The following KIRREL3 variants were observed in gnomAD, a reference collection of about 807,000 sequenced individuals.
KIRREL3 encodes kirre like nephrin family adhesion molecule 3.
KIRREL3 carries 36 observed loss-of-function variants against 89.7 expected under a neutral mutation model. The observed-to-expected ratio is 0.40, with a 90% CI of 0.31 to 0.53. KIRREL3 has a LOEUF of 0.53. Among genes scored for constraint, KIRREL3 ranks in the 20% least tolerant of loss-of-function variants. The pLI is 0.49. For missense variants in KIRREL3, 864 were observed against 1,056.6 expected, an observed-to-expected ratio of 0.82 and a Z score of 2.53; for synonymous variants, 445 against 441.4, an observed-to-expected ratio of 1.01 and a Z score of -0.10.
chr11:126,935,804 CA>C (rs1267233966), intron 1 of KIRREL3: 6 of 152,272 alleles, frequency 3.9e-5, no homozygotes, highest in Non-Finnish European at 8.8e-5. Context: ...GTGGTAGATG[CA>C]AGTCATTATA....
In KIRREL3 at chr11:126,904,141, T is replaced by A. The variant is rs553101003; in HGVS notation, c.55+96314A>T. 6.6e-6 allele frequency among the ~76,000 whole-genome samples: 1 copy of A among 152,294 alleles called. No individual in the cohort carries two copies. Among genetic ancestry groups the A allele is most frequent in the East Asian group, 1.9e-4 (1 of 5,180 alleles). Reference sequence around the variant, plus strand: ...TGAAGATGGCATAGAAAAAACTGCCTCACTCTAAGAGAACCATACCCTTTG... The same window carrying A: ...TGAAGATGGCATAGAAAAAACTGCCACACTCTAAGAGAACCATACCCTTTG... On this transcript the variant is annotated intron_variant, in intron 1 of 16. Transcript: ENST00000525144. This position sits in a 1 kb window ranked among gnomAD's most constrained non-coding sequence, Gnocchi z 4.4.
At chr11:126,759,004 C>A (rs545297897) in intron 1 of KIRREL3, among the ~76,000 whole-genome samples, 1 of 152,294 alleles carries the variant, frequency 6.6e-6, no homozygotes, top group African/African-American at 2.4e-5. Flanking sequence ...TGGTTGCTGT[C>A]TTGTGTAAGC....
In KIRREL3 at chr11:126,802,477, C is replaced by T. The variant is rs1475159005; in HGVS notation, c.55+197978G>A. Among the ~76,000 whole-genome samples, 5 of 152,188 alleles carry T rather than the reference C, an allele frequency of 3.3e-5. No homozygotes were observed. The highest frequency in any genetic ancestry group is 1.3e-4 in the Admixed American group (2 of 15,284). ...ATAGTCTGTGTGGCGTCGTTCTTCT[C>T]ATGTCTGCGTGGATTTTCTCTGTGT... On this transcript the variant is annotated intron_variant, in intron 1 of 16. Coordinates refer to ENST00000525144, the MANE Select transcript of KIRREL3 (RefSeq NM_032531.4). This position sits in a 1 kb window ranked among gnomAD's most constrained non-coding sequence, Gnocchi z 5.2.
At chr11:126,809,873 C>G (rs918960515) in intron 1 of KIRREL3, among the ~76,000 whole-genome samples, 1 of 152,218 alleles carries the variant, frequency 6.6e-6, no homozygotes, top group African/African-American at 2.4e-5. Flanking sequence ...TCTCCAGAAT[C>G]TTTTCTCACA....
chr11:126,487,550 A>G (rs1256109822), intron 4 of KIRREL3, among the ~76,000 whole-genome samples: 1 of 152,244 alleles, frequency 6.6e-6, no homozygotes, highest in East Asian at 1.9e-4. Context: ...CCAGAATCCT[A>G]AGAGGAAAAA....
At chr11:126,461,682 T>C (rs761697377) in intron 6 of KIRREL3, among the ~76,000 whole-genome samples, 7 of 152,166 alleles carry the variant, frequency 4.6e-5, no homozygotes, top group Non-Finnish European at 7.3e-5. Context: ...GTCAGGATTC[T>C]AGACACTGGC....
chr11:126,536,642 C>CTTTTT (rs145142970), intron 2 of KIRREL3, among the ~76,000 whole-genome samples: 11 of 77,166 alleles, frequency 1.4e-4, no homozygotes, highest in Non-Finnish European at 1.8e-4. Flanking sequence ...CTGGGCAATG[C>CTTTTT]TTTTTTTTTT....
In KIRREL3 at chr11:126,714,548, C is replaced by T. The variant is rs773526659; in HGVS notation, c.56-151636G>A. Among the ~76,000 whole-genome samples, 29 of 152,196 alleles carry T rather than the reference C, an allele frequency of 1.9e-4. No homozygotes were observed. In the East Asian group the frequency reaches 1.9e-3, roughly 10 times the overall value. On this transcript the variant is annotated intron_variant, in intron 1 of 16. Transcript: ENST00000525144. ...CAAATGGCATGTGCTGGAGAGTTTCCGCCCTGGGAGGCAGCCCTCTACACA... is the reference window on the plus strand; with the variant it reads ...CAAATGGCATGTGCTGGAGAGTTTCTGCCCTGGGAGGCAGCCCTCTACACA...
At chr11:126,939,998 C>G (rs959648532) in intron 1 of KIRREL3, among the ~76,000 whole-genome samples, 1 of 152,170 alleles carries the variant, frequency 6.6e-6, no homozygotes, top group Non-Finnish European at 1.5e-5. Context: ...ACCACCTCCT[C>G]TATCCTACTC....
rs536962960 is a variant in KIRREL3, at chr11:126,677,315, C to T, written c.56-114403G>A. Among the ~76,000 whole-genome samples, 39 of 152,238 alleles carry T rather than the reference C, an allele frequency of 2.6e-4. No homozygotes were observed. In the South Asian group the frequency reaches 8.1e-3, roughly 32 times the overall value. On this transcript the variant is annotated intron_variant, in intron 1 of 16. Coordinates refer to ENST00000525144, the MANE Select transcript of KIRREL3 (RefSeq NM_032531.4). This position sits in a 1 kb window ranked among gnomAD's most constrained non-coding sequence, Gnocchi z 5.1. The stretch of plus-strand genomic sequence containing the variant: ...ATTAATGAGGAGAGGCTATAGATTC[C>T]CCTATTCTGGACATTTCGTATAAGT...
chr11:126,668,705 C>A lies in KIRREL3; in HGVS notation c.56-105793G>T, dbSNP rs1322515505. 2.7e-5 allele frequency among the ~76,000 whole-genome samples: 2 copies of A among 74,350 alleles called. No homozygotes were observed. Among genetic ancestry groups the A allele is most frequent in the African/African-American group, 3.8e-5 (1 of 26,382 alleles). 48.8% of individuals were successfully genotyped at this position (74,350 alleles called of 152,430 possible). A position where few individuals can be genotyped will look rare whatever the true frequency, so the allele number is the denominator to read the frequency against. On this transcript the variant is annotated intron_variant, in intron 1 of 16. Transcript: ENST00000525144. The surrounding 1 kb of genome is among the most constrained non-coding windows in gnomAD (Gnocchi z 4.4). ...GGGAAGTTTCTGTTTTTCTTTCTTT[C>A]TTTCTTTCTTTCTTTCTTTCTTTCT... is the stretch of plus-strand genomic sequence containing the variant.
In KIRREL3 at chr11:126,428,292, G is replaced by A. The variant is rs1485066106; in HGVS notation, c.1806+887C>T. On this transcript the variant is annotated intron_variant, in intron 15 of 16. Coordinates refer to ENST00000525144, the MANE Select transcript of KIRREL3 (RefSeq NM_032531.4). The surrounding 1 kb of genome is among the most constrained non-coding windows in gnomAD (Gnocchi z 6.4). Reference sequence around the variant, plus strand: ...GCCTCCACTCCAACATGTTACGACCGAGGCAACCAGAAACTTCTAGCATGG... The same window carrying A: ...GCCTCCACTCCAACATGTTACGACCAAGGCAACCAGAAACTTCTAGCATGG... 5.3e-5 allele frequency among the ~76,000 whole-genome samples: 8 copies of A among 152,086 alleles called. No homozygotes were observed. The highest frequency in any genetic ancestry group is 8.8e-5 in the Non-Finnish European group (6 of 68,022).
intron 1 of KIRREL3, among the ~76,000 whole-genome samples, chr11:126,923,600 C>A (rs983631892): frequency 6.6e-6 from 1 of 151,856 alleles, no homozygotes; most frequent in African/African-American, 2.4e-5. Flanking sequence ...CCTGCCACCA[C>A]GCTCAGCTAA....
At chr11:126,882,839 A>C (rs1367849515) in intron 1 of KIRREL3, among the ~76,000 whole-genome samples, 1 of 152,172 alleles carries the variant, frequency 6.6e-6, no homozygotes, top group African/African-American at 2.4e-5. Flanking sequence ...AAACTCAACC[A>C]AACCTGGAAA....
At chr11:126,493,752 A>G (rs1227569497) in intron 4 of KIRREL3, among the ~76,000 whole-genome samples, 2 of 151,534 alleles carry the variant, frequency 1.3e-5, no homozygotes, top group African/African-American at 2.4e-5. Context: ...AGCAGCCTGC[A>G]TCTTCTACTC....
chr11:126,976,292 G>A lies in KIRREL3; in HGVS notation c.55+24163C>T, dbSNP rs913434272. Among the ~76,000 whole-genome samples, 4 of 152,076 alleles carry A rather than the reference G, an allele frequency of 2.6e-5. No homozygotes were observed. Among genetic ancestry groups the A allele is most frequent in the Non-Finnish European group, 5.9e-5 (4 of 68,008 alleles). ...GAGAGACAGATTATGAAATTATAATGACATATTATTTTTCTTAAATGAGAT... is the reference window on the plus strand; with the variant it reads ...GAGAGACAGATTATGAAATTATAATAACATATTATTTTTCTTAAATGAGAT... On this transcript the variant is annotated intron_variant, in intron 1 of 16. Transcript: ENST00000525144. This position sits in a 1 kb window ranked among gnomAD's most constrained non-coding sequence, Gnocchi z 4.2.
intron 1 of KIRREL3, among the ~76,000 whole-genome samples, chr11:126,781,974 T>C (rs1188752171): frequency 6.6e-6 from 1 of 152,190 alleles, no homozygotes; most frequent in African/African-American, 2.4e-5. Context: ...ACAAGACCTT[T>C]TGTTACAAAG....
At chr11:126,650,561 C>G (rs760371261) in intron 1 of KIRREL3, among the ~76,000 whole-genome samples, 1 of 152,158 alleles carries the variant, frequency 6.6e-6, no homozygotes, top group Non-Finnish European at 1.5e-5. Flanking sequence ...TAAAACATAA[C>G]AAGAATCTCC....
At position 126,970,188 on chromosome 11, in the gene KIRREL3, C is replaced by T. The variant is rs1354331263; in HGVS notation, c.55+30267G>A. On this transcript the variant is annotated intron_variant, in intron 1 of 16. Transcript: ENST00000525144. The surrounding 1 kb of genome is among the most constrained non-coding windows in gnomAD (Gnocchi z 4.4). ...TCTTCTTTCAGTTTTTCGCTCTTCA[C>T]AGCTCAGTTAATTCCACTTAAGACA... 2.6e-5 allele frequency among the ~76,000 whole-genome samples: 4 copies of T among 152,194 alleles called. No individual in the cohort carries two copies. The highest frequency in any genetic ancestry group is 9.7e-5 in the African/African-American group (4 of 41,448).
Sources: gnomAD v4.1 joint callset for allele counts (sites outside exome capture counted in the v4.1 genomes callset) on GRCh38, gnomAD v4.1.1 for gene constraint, Gnocchi (gnomAD v3.1) non-coding constraint, MANE v1.5 for transcripts, NCBI Gene and HGNC (gene_info 2026-07-23, HGNC 2026-07-21) for gene names.